Variants in OXTR observed in about 807,000 individuals in gnomAD.
OXTR encodes the protein oxytocin receptor.
OXTR carries 19 observed loss-of-function variants against 23.9 expected under a neutral mutation model. The observed-to-expected ratio is 0.80, with a 90% CI of 0.56 to 1.17. The LOEUF (loss-of-function observed/expected upper bound fraction) is 1.17, where lower values mean the gene tolerates loss of function less well. Ranked by LOEUF, OXTR falls within the 50% of genes most tolerant of loss-of-function variation. The pLI, the probability that OXTR is intolerant of heterozygous loss-of-function variation, is 0.00. For synonymous variants in OXTR, 278 were observed against 250.5 expected (o/e 1.11, Z -1.04); for missense variants, 500 against 550.7 (o/e 0.91, Z 0.92).
chr3:8,754,256 G>A (rs772697987), intron 3 of OXTR, among the ~76,000 whole-genome samples: 16 of 152,100 alleles, frequency 1.1e-4, no homozygotes, highest in South Asian at 2.1e-4. Flanking sequence ...ACTTCAAGAG[G>A]GAAGAAAAAA....
In OXTR at chr3:8,753,075, C is replaced by A; in HGVS notation, c.1072G>T (p.Gly358Ter). The change falls in exon 4 of 4, where the codon GGA (glycine) becomes TGA (stop). Residue 358 changes from glycine to a stop codon, truncating the protein, a stop_gained. Coordinates refer to ENST00000316793, the MANE Select transcript of OXTR (RefSeq NM_000916.4). LOFTEE classifies it high-confidence loss of function. The part of the protein sequence containing the change: ...SASYLKGRRL[G>*]ETSASKKSNS... ...CTCTTTTTGCTGGCACTCGTCTCTCCCAGGCGTCTGCCCTTCAGGTAGCTG... is the reference window on the plus strand; with the variant it reads ...CTCTTTTTGCTGGCACTCGTCTCTCACAGGCGTCTGCCCTTCAGGTAGCTG... 6.2e-7 allele frequency: 1 copy of A among 1,614,120 alleles called. No homozygotes were observed. The highest frequency in any genetic ancestry group is 8.5e-7 in the Non-Finnish European group (1 of 1,180,016).
Position 8,752,474 on chromosome 3 carries a change from C to G in OXTR, c.*503G>C, listed in dbSNP as rs1708283377. On this transcript the variant is annotated 3_prime_UTR_variant, in exon 4 of 4. Transcript: ENST00000316793. ...CCCTTCTCTTAGGGCTACCCTCTGA[C>G]AAGCTGGTCCCCAAGGACCCCAGCA... 6.4e-6 allele frequency: 1 copy of G among 155,234 alleles called. No individual in the cohort carries two copies. Among genetic ancestry groups the G allele is most frequent in the Non-Finnish European group, 1.4e-5 (1 of 69,678 alleles). The allele number at this position is 155,234 out of a possible 1,614,324, so 9.6% of individuals were successfully genotyped here. A position where few individuals can be genotyped will look rare whatever the true frequency, so the allele number is the denominator to read the frequency against.
the OXTR span, chr3:8,742,391 A>T: frequency 2.7e-6 from 1 of 367,354 alleles, no homozygotes; most frequent in South Asian, 2.0e-5. Context: ...GAAGAAGAAG[A>T]AAGATAATTA....
At position 8,768,362 on chromosome 3, in the gene OXTR, G is replaced by C; in HGVS notation, c.-142-33C>G. ...AAACCGGGAGGGCCGTGAGGAGACC[G>C]CCGCGTTTCTCTTCCGACGCGGGTA... On this transcript the variant is annotated intron_variant, in intron 2 of 3. Coordinates refer to ENST00000316793, the MANE Select transcript of OXTR (RefSeq NM_000916.4). The surrounding 1 kb of genome is among the most constrained non-coding windows in gnomAD (Gnocchi z 5.4). 9.4e-7 allele frequency: 1 copy of C among 1,058,864 alleles called. No individual in the cohort carries two copies. The highest frequency in any genetic ancestry group is 4.9e-5 in the South Asian group (1 of 20,532). The allele number at this position is 1,058,864 out of a possible 1,614,324, so 65.6% of individuals were successfully genotyped here. A position where few individuals can be genotyped will look rare whatever the true frequency, so the allele number is the denominator to read the frequency against.
downstream of OXTR, among the ~76,000 whole-genome samples, chr3:8,749,949 C>T (rs1022614000): frequency 6.6e-6 from 1 of 152,110 alleles, no homozygotes; most frequent in East Asian, 1.9e-4. Context: ...TCAGTAAGTA[C>T]AAAAATGTGC....
Position 8,752,928 on chromosome 3 carries a change from G to A in OXTR, c.*49C>T. 6.4e-7 allele frequency: 1 copy of A among 1,567,808 alleles called. No homozygotes were observed. The highest frequency in any genetic ancestry group is 1.2e-5 in the South Asian group (1 of 84,280). ...CATCACCTAGGAGCAGAGCACTTAT[G>A]CCAGCACAGCCTGAGCCTCAGGCTG... On this transcript the variant is annotated 3_prime_UTR_variant, in exon 4 of 4. Transcript: ENST00000316793.
Position 8,753,146 on chromosome 3 carries a change from C to A in OXTR, c.1001G>T (p.Gly334Val). ...CNPWIYMLFT[G>V]HLFHELVQRF... ...CTGCACGAGTTCGTGGAAGAGGTGG[C>A]CCGTGAACAGCATGTAGATCCAGGG... Residue 334 changes from glycine to valine, a missense_variant, in exon 4 of 4, where the codon GGC (glycine) becomes GTC (valine). Coordinates refer to ENST00000316793, the MANE Select transcript of OXTR (RefSeq NM_000916.4). The A allele has an allele frequency of 6.2e-7, 1 of 1,614,144 alleles. No homozygotes were observed. The highest frequency in any genetic ancestry group is 8.5e-7 in the Non-Finnish European group (1 of 1,180,036).
rs200392966 is a variant in OXTR, at chr3:8,767,437, C to T, written c.751G>A (p.Asp251Asn). 26 of 1,603,326 alleles carry T rather than the reference C, an allele frequency of 1.6e-5. No homozygotes were observed. Among genetic ancestry groups the T allele is most frequent in the East Asian group, 2.2e-5 (1 of 44,490 alleles). Residue 251 changes from aspartate (D) to asparagine (N), a missense_variant, in exon 3 of 4, where the codon GAT (aspartate) becomes AAT (asparagine). Asp to Asn is a conservative substitution (Grantham distance 23). Transcript: ENST00000316793. ...AEAPEGAAAG[D>N]GGRVALARVS... ...CGCGCCAGGGCCACGCGCCCCCCAT[C>T]GCCAGCCGCCGCGCCCTCTGGCGCC...
chr3:8,763,566 G>A (rs1708536772), intron 3 of OXTR, among the ~76,000 whole-genome samples: 1 of 152,192 alleles, frequency 6.6e-6, no homozygotes, highest in African/African-American at 2.4e-5. Flanking sequence ...CCTGCAATCA[G>A]CATAGAAAAT....
chr3:8,759,726 C>T (rs972496901), intron 3 of OXTR, among the ~76,000 whole-genome samples: 2 of 152,164 alleles, frequency 1.3e-5, no homozygotes, highest in African/African-American at 4.8e-5. Flanking sequence ...GAGACATGGG[C>T]CGGGAGGGCA....
At chr3:8,766,413 G>A (rs1217648770) in intron 3 of OXTR, among the ~76,000 whole-genome samples, 2 of 152,188 alleles carry the variant, frequency 1.3e-5, no homozygotes, top group African/African-American at 4.8e-5. Flanking sequence ...GGCCAAGAAT[G>A]GACAATTGCC....
chr3:8,748,973 A>T (rs1708211308), downstream of OXTR, among the ~76,000 whole-genome samples: 1 of 152,134 alleles, frequency 6.6e-6, no homozygotes, highest in Non-Finnish European at 1.5e-5. Flanking sequence ...TGCAGAAGAC[A>T]ATCTGCAGCT....
In OXTR at chr3:8,767,335, T is replaced by G; in HGVS notation, c.853A>C (p.Ile285Leu). 1 of 1,608,986 alleles carries G rather than the reference T, an allele frequency of 6.2e-7. No individual in the cohort carries two copies. Among genetic ancestry groups the G allele is most frequent in the Non-Finnish European group, 8.5e-7 (1 of 1,178,272 alleles). ...AAGAAGAAAGGCGTCCAGCACACGA[T>G]GAAGGCCAGCACGATGATGAAAGTC... is the stretch of plus-strand genomic sequence containing the variant. Reference protein sequence around the residue: ...KMTFIIVLAFIVCWTPFFFVQ... With the variant: ...KMTFIIVLAFLVCWTPFFFVQ... Residue 285 changes from isoleucine to leucine, a missense_variant, in exon 3 of 4, where the codon ATC (isoleucine) becomes CTC (leucine). Transcript: ENST00000316793.
In OXTR at chr3:8,768,106, T is replaced by C; in HGVS notation, c.82A>G (p.Thr28Ala). The C allele has an allele frequency of 7.1e-7, 1 of 1,411,626 alleles. No individual in the cohort carries two copies. The highest frequency in any genetic ancestry group is 9.2e-7 in the Non-Finnish European group (1 of 1,086,298). The allele number at this position is 1,411,626 out of a possible 1,614,324, so 87.4% of individuals were successfully genotyped here. ...AAPPGAEGNR[T>A]AGPPRRNEAL... ...TCGTTGCGCCGCGGGGGTCCGGCGGTGCGGTTGCCCTCGGCCCCCGGCGGC... is the reference window on the plus strand; with the variant it reads ...TCGTTGCGCCGCGGGGGTCCGGCGGCGCGGTTGCCCTCGGCCCCCGGCGGC... Residue 28 changes from threonine to alanine, a missense_variant, in exon 3 of 4, where the codon ACC becomes GCC. Coordinates refer to ENST00000316793, the MANE Select transcript of OXTR (RefSeq NM_000916.4). This position sits in a 1 kb window ranked among gnomAD's most constrained non-coding sequence, Gnocchi z 5.4.
chr3:8,762,680 C>T (rs532714969), intron 3 of OXTR, among the ~76,000 whole-genome samples: 8 of 152,342 alleles, frequency 5.3e-5, no homozygotes, highest in South Asian at 2.1e-4. Context: ...GGGACATGCC[C>T]GAGGATCCTC....
intron 3 of OXTR, among the ~76,000 whole-genome samples, chr3:8,760,332 G>A (rs1462715746): frequency 6.6e-6 from 1 of 152,210 alleles, no homozygotes; most frequent in Admixed American, 6.5e-5. Context: ...AGAACTCTGT[G>A]ATCAACCTTG....
At chr3:8,745,576 C>A (rs759446749), downstream of OXTR, 8 of 1,614,120 alleles carry the variant, frequency 5.0e-6, no homozygotes, top group Admixed American at 1.7e-5. This position sits in a 1 kb window ranked among gnomAD's most constrained non-coding sequence, Gnocchi z 4.8. Flanking sequence ...ACAGCTTTGA[C>A]GGCGTGTGGA....
At position 8,753,228 on chromosome 3, in the gene OXTR, AG is replaced by A. The variant is rs762704702; in HGVS notation, c.923-5del. 1.2e-5 allele frequency: 20 copies of A among 1,611,562 alleles called. No homozygotes were observed. The South Asian group carries it at 2.1e-4, about 17-fold the overall frequency. On this transcript the variant is annotated splice_polypyrimidine_tract_variant and splice_region_variant and intron_variant, in intron 3 of 3. Transcript: ENST00000316793. ...ATGACGATGATGAAGGCCGAGGCTG[AG>A]GGGGTGGGGGCAGGAGAAAGGAGAA...
chr3:8,741,942 C>T, the OXTR span, among the ~76,000 whole-genome samples: 4 of 152,184 alleles, frequency 2.6e-5, no homozygotes, highest in African/African-American at 7.2e-5. Context: ...GAATGTGCAC[C>T]ATCGTTCCCC....
Sources: allele counts gnomAD v4.1 joint callset (sites outside exome capture counted in the v4.1 genomes callset), GRCh38; gene constraint gnomAD v4.1.1; non-coding constraint Gnocchi (gnomAD v3.1); transcripts MANE v1.5; gene names NCBI Gene and HGNC (gene_info 2026-07-23, HGNC 2026-07-21).